Variants in SLC25A21 observed in about 807,000 individuals in gnomAD.
The protein encoded by SLC25A21 is mitochondrial 2-oxodicarboxylate carrier.
Under a neutral mutation model 43.8 loss-of-function variants are expected in SLC25A21, and 47 were observed. The observed-to-expected ratio is 1.07, with a 90% CI of 0.85 to 1.37. The LOEUF is 1.37. Among genes scored for constraint, SLC25A21 ranks in the 40% most tolerant of loss-of-function variants. SLC25A21 has a pLI of 0.00. For synonymous variants in SLC25A21, 131 were observed against 121.3 expected (o/e 1.08, Z -0.52); for missense variants, 352 against 350.2 (o/e 1.00, Z -0.04).
chr14:36,836,736 T>C (rs549387674), intron 2 of SLC25A21, among the ~76,000 whole-genome samples: 2 of 152,334 alleles, frequency 1.3e-5, no homozygotes, highest in African/African-American at 2.4e-5. Flanking sequence ...AAATGTAGCA[T>C]TCTTCATCAA....
chr14:36,797,616 A>G (rs2138413844), intron 3 of SLC25A21, among the ~76,000 whole-genome samples: 1 of 152,322 alleles, frequency 6.6e-6, no homozygotes, highest in Admixed American at 6.5e-5. Context: ...GAATCTCTGA[A>G]CAGTAGCATC....
intron 1 of SLC25A21, among the ~76,000 whole-genome samples, chr14:36,966,671 G>T (rs1253873690): frequency 6.6e-6 from 1 of 152,188 alleles, no homozygotes; most frequent in Non-Finnish European, 1.5e-5. Flanking sequence ...ACTGTTATCT[G>T]CCCTGTGCAA....
chr14:36,756,206 C>A (rs538571705), intron 3 of SLC25A21, among the ~76,000 whole-genome samples: 1 of 152,042 alleles, frequency 6.6e-6, no homozygotes, highest in Admixed American at 6.6e-5. Flanking sequence ...AGAAGGGAAG[C>A]GGGGGCAGCT....
intron 1 of SLC25A21, among the ~76,000 whole-genome samples, chr14:36,907,532 A>T (rs957183193): frequency 6.6e-6 from 1 of 152,180 alleles, no homozygotes; most frequent in African/African-American, 2.4e-5. Flanking sequence ...TCATCTACAA[A>T]CGTACTAAAA....
At chr14:36,832,885 T>C (rs556283800) in intron 2 of SLC25A21, among the ~76,000 whole-genome samples, 8 of 152,146 alleles carry the variant, frequency 5.3e-5, no homozygotes, top group Non-Finnish European at 1.2e-4. Context: ...GATTAAGCAA[T>C]AAAGAATATT....
intron 3 of SLC25A21, among the ~76,000 whole-genome samples, chr14:36,788,204 A>C (rs1887319619): frequency 6.6e-6 from 1 of 152,148 alleles, no homozygotes; most frequent in Admixed American, 6.5e-5. Context: ...CAGTAACCTG[A>C]TAGACGACAA....
At chr14:36,913,607 T>C (rs1001362542) in intron 1 of SLC25A21, among the ~76,000 whole-genome samples, 1 of 152,216 alleles carries the variant, frequency 6.6e-6, no homozygotes, top group African/African-American at 2.4e-5. Flanking sequence ...GTTGTTTGAA[T>C]AGATGTTTAC....
At chr14:36,737,585 C>T (rs1016743808) in intron 3 of SLC25A21, among the ~76,000 whole-genome samples, 10 of 152,258 alleles carry the variant, frequency 6.6e-5, no homozygotes, top group East Asian at 1.9e-4. Flanking sequence ...TTGCTTTTAC[C>T]GTATATCCAT....
chr14:36,849,928 C>CT (rs1405588851), intron 2 of SLC25A21, among the ~76,000 whole-genome samples: 5 of 152,230 alleles, frequency 3.3e-5, no homozygotes, highest in Admixed American at 3.3e-4. Context: ...CTATTCAAAT[C>CT]TTTATCGTTC....
rs576053202 is a variant in SLC25A21, at chr14:37,163,328, T to C, written c.70+8953A>G. Among the ~76,000 whole-genome samples, 335 of 144,206 alleles carry C rather than the reference T, an allele frequency of 2.3e-3. 1 individual carries two copies. Among genetic ancestry groups the C allele is most frequent in the African/African-American group, 8.2e-3 (330 of 40,316 alleles). 94.6% of individuals were successfully genotyped at this position (144,206 alleles called of 152,430 possible). On this transcript the variant is annotated intron_variant, in intron 1 of 9. Transcript: ENST00000331299. ...AATAAATAAATAAATAAAAAGAAAT[T>C]TCTGTTGTTTATGCTGCCCAGTTTG... is the stretch of plus-strand genomic sequence containing the variant.
At chr14:36,766,726 G>A (rs1402330097) in intron 3 of SLC25A21, among the ~76,000 whole-genome samples, 1 of 152,072 alleles carries the variant, frequency 6.6e-6, no homozygotes, top group East Asian at 1.9e-4. Flanking sequence ...AGTGTGGCAT[G>A]GTGGAAAGGG....
chr14:36,813,900 T>C lies in SLC25A21; in HGVS notation c.203+18A>G. The C allele has an allele frequency of 1.3e-6, 2 of 1,487,770 alleles. No individual in the cohort carries two copies. The highest frequency in any genetic ancestry group is 1.9e-6 in the Non-Finnish European group (2 of 1,079,902). 92.2% of individuals were successfully genotyped at this position (1,487,770 alleles called of 1,614,324 possible). ...AAGTAGAAACATATTAAAATGGCTA[T>C]ATGAAGAATATACATACCCTTCCAT... On this transcript the variant is annotated intron_variant, in intron 3 of 9. Coordinates refer to ENST00000331299, the MANE Select transcript of SLC25A21 (RefSeq NM_030631.4).
intron 2 of SLC25A21, among the ~76,000 whole-genome samples, chr14:36,817,130 G>A (rs887298909): frequency 6.6e-6 from 1 of 151,966 alleles, no homozygotes; most frequent in Non-Finnish European, 1.5e-5. Flanking sequence ...TTTTCTTAAT[G>A]TGTTCCATAT....
At chr14:37,142,410 G>A (rs1963585903) in intron 1 of SLC25A21, among the ~76,000 whole-genome samples, 2 of 152,192 alleles carry the variant, frequency 1.3e-5, no homozygotes, top group Admixed American at 1.3e-4. Flanking sequence ...GCCCAGGCTG[G>A]AGTACAGTGG....
intron 2 of SLC25A21, among the ~76,000 whole-genome samples, chr14:36,855,584 G>T (rs6571766): frequency 0.014 from 2,178 of 152,204 alleles, 42 homozygotes; most frequent in African/African-American, 0.05. Flanking sequence ...TATCCCAAAT[G>T]CAAATCGTTG....
intron 1 of SLC25A21, among the ~76,000 whole-genome samples, chr14:36,978,952 C>A (rs986476033): frequency 3.9e-5 from 6 of 152,128 alleles, no homozygotes; most frequent in Admixed American, 3.9e-4. Flanking sequence ...GCCAGACGTG[C>A]TGCCACGCAC....
chr14:36,763,367 G>A (rs369001888), intron 3 of SLC25A21, among the ~76,000 whole-genome samples: 1 of 152,208 alleles, frequency 6.6e-6, no homozygotes, highest in Non-Finnish European at 1.5e-5. Flanking sequence ...GTTAGTGCTG[G>A]AGATATTAGG....
intron 1 of SLC25A21, among the ~76,000 whole-genome samples, chr14:37,070,183 C>CTA (rs2138824187): frequency 1.3e-5 from 2 of 152,268 alleles, no homozygotes; most frequent in African/African-American, 4.8e-5. Flanking sequence ...TATATCCTAC[C>CTA]TATGCCCATT....
intron 1 of SLC25A21, among the ~76,000 whole-genome samples, chr14:37,161,134 T>C (rs1182288351): frequency 2.6e-5 from 4 of 152,018 alleles, no homozygotes; most frequent in Non-Finnish European, 4.4e-5. Context: ...ATTCATTACA[T>C]ACATGTAAAA....
Sources: allele counts gnomAD v4.1 joint callset (sites outside exome capture counted in the v4.1 genomes callset), GRCh38; gene constraint gnomAD v4.1.1; transcripts MANE v1.5; gene names NCBI Gene and HGNC (gene_info 2026-07-23, HGNC 2026-07-21).